Variants in MCM9 observed in about 807,000 individuals in gnomAD.
MCM9 encodes the protein minichromosome maintenance 9 homologous recombination repair factor.
MCM9 carries 55 observed loss-of-function variants against 72.8 expected under a neutral mutation model. The ratio of observed to expected loss-of-function variants is 0.76; its 90% CI spans 0.61 to 0.95. The LOEUF is 0.95. MCM9 is among the 40% of genes least tolerant of loss of function. The pLI, the probability that MCM9 is intolerant of heterozygous loss-of-function variation, is 0.00. For synonymous variants in MCM9, 480 were observed against 503.4 expected (o/e 0.95, Z 0.62); for missense variants, 1,279 against 1,377.0 (o/e 0.93, Z 1.13).
chr6:118,894,656 G>C, intron 8 of MCM9: 1 of 757,664 alleles, frequency 1.3e-6, no homozygotes, highest in Non-Finnish European at 2.1e-6. Context: ...AGGGAAACTT[G>C]AAGTTGATGG....
At chr6:118,873,313 T>C (rs962027359) in intron 8 of MCM9, among the ~76,000 whole-genome samples, 1 of 151,624 alleles carries the variant, frequency 6.6e-6, no homozygotes, top group Non-Finnish European at 1.5e-5. Context: ...AAAGGAAGTC[T>C]ACACAGAAAG....
At chr6:118,847,422 CAAAAA>C (rs368957444) in intron 9 of MCM9, among the ~76,000 whole-genome samples, 5 of 113,888 alleles carry the variant, frequency 4.4e-5, no homozygotes, top group South Asian at 5.9e-4. Context: ...CATGAATCTT[CAAAAA>C]AAAAAAAAAA....
intron 8 of MCM9, chr6:118,907,689 C>A: frequency 1.7e-6 from 2 of 1,184,004 alleles, no homozygotes; most frequent in Non-Finnish European, 2.5e-6. Flanking sequence ...TCCGTAAGTA[C>A]ATAGTCAAAA....
chr6:118,872,542 T>C (rs1399833309), intron 8 of MCM9, among the ~76,000 whole-genome samples: 2 of 149,844 alleles, frequency 1.3e-5, no homozygotes, highest in African/African-American at 4.9e-5. Flanking sequence ...AGGCCAGGAG[T>C]TCAAGGCTGT....
chr6:118,900,156 T>A (rs1779707327), intron 8 of MCM9, among the ~76,000 whole-genome samples: 1 of 151,992 alleles, frequency 6.6e-6, no homozygotes, highest in South Asian at 2.1e-4. Context: ...ATTTAAAGAA[T>A]GTATGACACA....
At chr6:118,863,344 C>T (rs1459583552) in intron 8 of MCM9, among the ~76,000 whole-genome samples, 1 of 152,064 alleles carries the variant, frequency 6.6e-6, no homozygotes, top group Non-Finnish European at 1.5e-5. Context: ...AATGCATATG[C>T]AAACTCTAGG....
chr6:118,876,107 G>GT (rs1263529034), intron 8 of MCM9, among the ~76,000 whole-genome samples: 1 of 152,176 alleles, frequency 6.6e-6, no homozygotes, highest in African/African-American at 2.4e-5. Context: ...GCATATGTTA[G>GT]TAAGTAAAAG....
intron 8 of MCM9, among the ~76,000 whole-genome samples, chr6:118,862,799 A>T (rs1372582022): frequency 6.6e-6 from 1 of 152,234 alleles, no homozygotes; most frequent in Non-Finnish European, 1.5e-5. Context: ...TACATCTGAC[A>T]TCTCCTCAGA....
intron 8 of MCM9, among the ~76,000 whole-genome samples, chr6:118,890,611 A>G (rs1007474813): frequency 1.3e-5 from 2 of 152,250 alleles, no homozygotes; most frequent in African/African-American, 4.8e-5. Context: ...TAGCATAAAA[A>G]TTTCACATAA....
chr6:118,930,832 A>G (rs993421793), intron 3 of MCM9, among the ~76,000 whole-genome samples: 6 of 152,186 alleles, frequency 3.9e-5, no homozygotes, highest in African/African-American at 1.4e-4. Flanking sequence ...CTACTAAAAA[A>G]TCACTTTTAA....
At chr6:118,903,817 G>A (rs982875070) in intron 8 of MCM9, among the ~76,000 whole-genome samples, 1 of 152,106 alleles carries the variant, frequency 6.6e-6, no homozygotes. Flanking sequence ...AAATTCCTGG[G>A]CTCAAGTGAT....
chr6:118,931,709 T>G lies in MCM9; in HGVS notation c.15A>C (p.Gln5His), dbSNP rs149471755. The G allele has an allele frequency of 3.1e-4, 500 of 1,611,192 alleles. 1 individual carries two copies. The highest frequency in any genetic ancestry group is 2.2e-4 in the Non-Finnish European group (262 of 1,177,908). The change falls in exon 3 of 14, where the codon CAA (glutamine) becomes CAC (histidine). Residue 5 changes from glutamine to histidine, a missense_variant. Transcript: ENST00000619706. MNSD[Q>H]VTLVGQVFES... is the part of the protein sequence containing the mutation. ...CAAACACTTGACCAACCAGTGTAAC[T>G]TGATCGCTATTCATCTTGAATCTAG...
chr6:118,856,492 C>A lies in MCM9; in HGVS notation c.1204G>T (p.Ala402Ser). 6.5e-7 allele frequency: 1 copy of A among 1,535,632 alleles called. No individual in the cohort carries two copies. The highest frequency in any genetic ancestry group is 8.7e-7 in the Non-Finnish European group (1 of 1,146,886). ...AGGCCCGCATCTGCAAGAACTAATG[C>A]CCCAGCCTCCAAATTCCATTCTCCT... ...DSGEWNLEAG[A>S]LVLADAGLCC... Residue 402 changes from alanine (A) to serine (S), a missense_variant, in exon 9 of 14, where the codon GCA becomes TCA. By Grantham distance (99) the Ala-to-Ser change is moderately conservative. Transcript: ENST00000619706.
Position 118,814,824 on chromosome 6 carries a change from C to G in MCM9, c.3432G>C (p.Ter1144TyrextTer29). Residue 1144 changes from the stop codon to tyrosine (Y), a stop_lost, in exon 14 of 14, where the codon TAG becomes TAC. Coordinates refer to ENST00000619706, the MANE Select transcript of MCM9 (RefSeq NM_017696.3). ...GATTTGACCAGAAAGCTTTTCCCAA[C>G]TATGACTTTTTTCTCATCTCTTCAT... ...DWDEEMRKKS* is the reference protein window; with the variant it reads ...DWDEEMRKKSY The G allele has an allele frequency of 1.3e-6, 2 of 1,490,424 alleles. No individual in the cohort carries two copies. Among genetic ancestry groups the G allele is most frequent in the Middle Eastern group, 1.8e-4 (1 of 5,610 alleles). The allele number at this position is 1,490,424 out of a possible 1,614,324, so 92.3% of individuals were successfully genotyped here.
chr6:118,858,385 TA>T (rs199645259), intron 8 of MCM9, among the ~76,000 whole-genome samples: 10,001 of 152,168 alleles, frequency 0.066, 457 homozygotes, highest in East Asian at 0.19. Flanking sequence ...GTATTTACAA[TA>T]ATCCTATATT....
intron 8 of MCM9, among the ~76,000 whole-genome samples, chr6:118,905,174 T>C (rs1163477899): frequency 6.6e-6 from 1 of 152,184 alleles, no homozygotes; most frequent in Non-Finnish European, 1.5e-5. Context: ...TTAGAATACC[T>C]GTGGGGGTGG....
intron 8 of MCM9, among the ~76,000 whole-genome samples, chr6:118,888,242 T>C (rs1056017976): frequency 6.6e-6 from 1 of 152,112 alleles, no homozygotes; most frequent in African/African-American, 2.4e-5. Flanking sequence ...ATCCCAGCAC[T>C]TTGGGAGGCA....
At chr6:118,867,338 C>T (rs563092276) in intron 8 of MCM9, among the ~76,000 whole-genome samples, 145 of 152,224 alleles carry the variant, frequency 9.5e-4, no homozygotes, top group African/African-American at 3.3e-3. Context: ...TCCATTATAA[C>T]GCTGTAACAC....
intron 9 of MCM9, among the ~76,000 whole-genome samples, chr6:118,849,431 T>TTG (rs370265605): frequency 0.049 from 7,245 of 148,918 alleles, 380 homozygotes; most frequent in African/African-American, 0.11. Context: ...AAGGTACAGT[T>TTG]TGTGTGTGTG....
Sources: gnomAD v4.1 joint callset for allele counts (sites outside exome capture counted in the v4.1 genomes callset) on GRCh38, gnomAD v4.1.1 for gene constraint, MANE v1.5 for transcripts, NCBI Gene and HGNC (gene_info 2026-07-23, HGNC 2026-07-21) for gene names.